Variants in ZSCAN25 observed in about 807,000 individuals in gnomAD.
ZSCAN25 encodes zinc finger and SCAN domain containing 25.
A neutral mutation model predicts 38.7 loss-of-function variants in ZSCAN25; 27 were observed. That is an observed-to-expected ratio of 0.70 (90% CI 0.51 to 0.96). The LOEUF (loss-of-function observed/expected upper bound fraction) is 0.96, where lower values mean the gene tolerates loss of function less well. Ranked by LOEUF, ZSCAN25 falls within the 40% of genes least tolerant of loss-of-function variation. ZSCAN25 has a pLI of 0.00. For synonymous variants in ZSCAN25, 273 were observed against 277.7 expected, an observed-to-expected ratio of 0.98 and a Z score of 0.17; for missense variants, 637 against 705.9, an observed-to-expected ratio of 0.90 and a Z score of 1.11.
chr7:99,645,747 A>G, the ZSCAN25 span, among the ~76,000 whole-genome samples: 1 of 151,818 alleles, frequency 6.6e-6, no homozygotes, highest in Admixed American at 6.6e-5. Flanking sequence ...GTCCACATGT[A>G]TGTCTTCTTT....
the ZSCAN25 span, chr7:99,665,115 C>A: frequency 6.9e-7 from 1 of 1,439,652 alleles, no homozygotes; most frequent in Non-Finnish European, 9.5e-7. Flanking sequence ...AATTATATGT[C>A]AAGAAAGCAG....
the ZSCAN25 span, chr7:99,638,287 C>T: frequency 1.1e-5 from 17 of 1,605,164 alleles, no homozygotes; most frequent in Admixed American, 1.7e-5. Context: ...TCACAGAGTC[C>T]GTCCCCTGAG....
chr7:99,697,277 G>A, the ZSCAN25 span, among the ~76,000 whole-genome samples: 1 of 152,090 alleles, frequency 6.6e-6, no homozygotes, highest in Non-Finnish European at 1.5e-5. Context: ...GGTCATGTAT[G>A]GACTCCCCCA....
the ZSCAN25 span, among the ~76,000 whole-genome samples, chr7:99,690,346 G>T: frequency 1.3e-5 from 2 of 152,160 alleles, no homozygotes; most frequent in Non-Finnish European, 2.9e-5. Context: ...AAAAACCTTA[G>T]AAGAAAACCT....
the ZSCAN25 span, among the ~76,000 whole-genome samples, chr7:99,735,741 G>A: frequency 6.6e-6 from 1 of 152,138 alleles, no homozygotes; most frequent in Admixed American, 6.5e-5. Flanking sequence ...CCACCATTGT[G>A]TGTTTCCAGG....
chr7:99,644,218 A>G, the ZSCAN25 span, among the ~76,000 whole-genome samples: 1 of 152,106 alleles, frequency 6.6e-6, no homozygotes, highest in Non-Finnish European at 1.5e-5. Flanking sequence ...GGATGGGGTT[A>G]TTTGGATAAA....
At chr7:99,661,647 A>G in the ZSCAN25 span, among the ~76,000 whole-genome samples, 7 of 152,250 alleles carry the variant, frequency 4.6e-5, no homozygotes, top group Non-Finnish European at 1.0e-4. Flanking sequence ...GCCTGCAGCA[A>G]TCATGTAACT....
chr7:99,641,275 C>T, the ZSCAN25 span, among the ~76,000 whole-genome samples: 2 of 152,122 alleles, frequency 1.3e-5, no homozygotes, highest in African/African-American at 4.8e-5. Context: ...CTTCATATGG[C>T]AGCAGGAAGA....
chr7:99,638,207 C>T, the ZSCAN25 span: 3 of 1,464,366 alleles, frequency 2.0e-6, no homozygotes, highest in Non-Finnish European at 1.8e-6. Context: ...TTTTTGATTT[C>T]TCTCCTTCCA....
At chr7:99,700,824 G>C in the ZSCAN25 span, among the ~76,000 whole-genome samples, 1 of 152,220 alleles carries the variant, frequency 6.6e-6, no homozygotes, top group South Asian at 2.1e-4. Flanking sequence ...TCCCCTCTGA[G>C]TCTGTGGTGA....
chr7:99,674,461 G>A, the ZSCAN25 span: 1 of 1,219,122 alleles, frequency 8.2e-7, no homozygotes. Flanking sequence ...GACCTGGGCA[G>A]AGACTATCCT....
At chr7:99,693,266 A>C in the ZSCAN25 span, among the ~76,000 whole-genome samples, 2 of 152,114 alleles carry the variant, frequency 1.3e-5, no homozygotes, top group South Asian at 4.2e-4. Flanking sequence ...TTCCTCTGGA[A>C]GCTTCATCCC....
chr7:99,734,874 G>C, the ZSCAN25 span: 9 of 1,188,254 alleles, frequency 7.6e-6, no homozygotes, highest in Non-Finnish European at 1.1e-5. Flanking sequence ...CACCTGCTCA[G>C]CATCCCAAAG....
At chr7:99,687,544 A>G in the ZSCAN25 span, among the ~76,000 whole-genome samples, 6 of 152,250 alleles carry the variant, frequency 3.9e-5, no homozygotes, top group Non-Finnish European at 8.8e-5. Context: ...TCTACGTCTC[A>G]CTGGTGGACC....
the ZSCAN25 span, among the ~76,000 whole-genome samples, chr7:99,718,769 A>G: frequency 5.3e-5 from 8 of 152,346 alleles, no homozygotes; most frequent in South Asian, 1.2e-3. Flanking sequence ...AAGAATATAC[A>G]AAAAGACTTC....
At chr7:99,731,878 T>C in the ZSCAN25 span, among the ~76,000 whole-genome samples, 1 of 152,162 alleles carries the variant, frequency 6.6e-6, no homozygotes, top group East Asian at 1.9e-4. Flanking sequence ...ATTTGAGCTA[T>C]TGGGGAGGAT....
chr7:99,713,635 C>A, the ZSCAN25 span: 1 of 1,519,618 alleles, frequency 6.6e-7, no homozygotes, highest in South Asian at 1.1e-5. Context: ...GAATATAGCC[C>A]CTTGGAGACC....
the ZSCAN25 span, chr7:99,685,081 T>A: frequency 8.2e-7 from 1 of 1,220,198 alleles, no homozygotes. Flanking sequence ...TAATTTGAGG[T>A]CTCTGGTGTT....
chr7:99,736,482 G>C, the ZSCAN25 span, among the ~76,000 whole-genome samples: 1 of 152,228 alleles, frequency 6.6e-6, no homozygotes, highest in Non-Finnish European at 1.5e-5. Context: ...TGTGAGCCCT[G>C]TGACCCATTC....
Sources: allele counts gnomAD v4.1 joint callset (sites outside exome capture counted in the v4.1 genomes callset), GRCh38; gene constraint gnomAD v4.1.1; transcripts MANE v1.5; gene names NCBI Gene and HGNC (gene_info 2026-07-23, HGNC 2026-07-21).